The following CUL3 variants were observed in gnomAD, a reference collection of about 807,000 sequenced individuals.
CUL3 encodes the protein cullin-3.
CUL3 carries 19 observed loss-of-function variants against 89.1 expected under a neutral mutation model. The ratio of observed to expected loss-of-function variants is 0.21; its 90% CI spans 0.15 to 0.31. The LOEUF (loss-of-function observed/expected upper bound fraction) is 0.31. Among genes scored for constraint, CUL3 ranks in the 10% least tolerant of loss-of-function variants. The pLI is 1.00. For missense variants in CUL3, 469 were observed against 942.3 expected (o/e 0.50, Z 6.58); for synonymous variants, 351 against 308.4 (o/e 1.14, Z -1.45).
At chr2:224,533,715 C>T (rs1200452248) in intron 3 of CUL3, among the ~76,000 whole-genome samples, 1 of 152,164 alleles carries the variant, frequency 6.6e-6, no homozygotes, top group African/African-American at 2.4e-5. Context: ...TATATGTTGT[C>T]ACATACCATC....
intron 2 of CUL3, among the ~76,000 whole-genome samples, chr2:224,535,871 C>T (rs965031486): frequency 6.6e-6 from 1 of 152,136 alleles, no homozygotes; most frequent in Non-Finnish European, 1.5e-5. Flanking sequence ...AATCAACTTC[C>T]TAGGTATTTC....
chr2:224,529,748 G>T (rs1258870506), intron 3 of CUL3, among the ~76,000 whole-genome samples: 1 of 152,138 alleles, frequency 6.6e-6, no homozygotes, highest in East Asian at 1.9e-4. Context: ...AGAAACTAGA[G>T]GCCACATGTT....
At chr2:224,475,386 G>C (rs1691279944) in intron 15 of CUL3, among the ~76,000 whole-genome samples, 1 of 152,172 alleles carries the variant, frequency 6.6e-6, no homozygotes, top group Non-Finnish European at 1.5e-5. Context: ...AGCCGGAGAA[G>C]AAAACTGACA....
chr2:224,567,100 TAC>T (rs1349887507), intron 1 of CUL3, among the ~76,000 whole-genome samples: 9 of 152,208 alleles, frequency 5.9e-5, no homozygotes, highest in Admixed American at 5.9e-4. Flanking sequence ...ATTCCAGGTT[TAC>T]AGTTTTCCAC....
At chr2:224,562,059 T>C (rs1018446156) in intron 1 of CUL3, among the ~76,000 whole-genome samples, 1 of 152,220 alleles carries the variant, frequency 6.6e-6, no homozygotes, top group Non-Finnish European at 1.5e-5. Flanking sequence ...AGAAAAAGTA[T>C]TAAAATGTCT....
At chr2:224,550,043 T>C (rs1694454297) in intron 2 of CUL3, among the ~76,000 whole-genome samples, 1 of 152,210 alleles carries the variant, frequency 6.6e-6, no homozygotes. Context: ...ACGAAGTGTT[T>C]AAATTCCTCA....
chr2:224,509,905 G>A (rs949419220), intron 6 of CUL3, among the ~76,000 whole-genome samples: 8 of 152,186 alleles, frequency 5.3e-5, no homozygotes, highest in African/African-American at 1.9e-4. Flanking sequence ...TAGAACCCGT[G>A]GGGCAAATAC....
chr2:224,576,818 A>G (rs1257585551), intron 1 of CUL3, among the ~76,000 whole-genome samples: 2 of 152,210 alleles, frequency 1.3e-5, no homozygotes, highest in African/African-American at 4.8e-5. Flanking sequence ...TTATTCCTTC[A>G]ATAAAGTTAC....
At chr2:224,567,359 C>T (rs895944322) in intron 1 of CUL3, among the ~76,000 whole-genome samples, 6 of 152,042 alleles carry the variant, frequency 3.9e-5, no homozygotes, top group Admixed American at 6.6e-5. Context: ...CTGGGACTAC[C>T]GTTGTGTGCC....
At chr2:224,575,793 A>T (rs970567605) in intron 1 of CUL3, among the ~76,000 whole-genome samples, 4 of 152,206 alleles carry the variant, frequency 2.6e-5, no homozygotes, top group African/African-American at 7.2e-5. Context: ...AAAATGCAAA[A>T]TGGAAGTTTG....
Position 224,499,402 on chromosome 2 carries a change from C to T in CUL3, c.1610+961G>A, listed in dbSNP as rs1429244273. The T allele has an allele frequency of 2.1e-5, 5 of 239,982 alleles. No homozygotes were observed. The East Asian group carries it at 5.0e-4, about 24-fold the overall frequency. 14.9% of individuals were successfully genotyped at this position (239,982 alleles called of 1,614,324 possible). ...TTAAGACTAAGGTGAAGAATTTGTA[C>T]AGTGCCTTCCACAATTTCAAAGAGG... On this transcript the variant is annotated intron_variant, in intron 11 of 15. Coordinates refer to ENST00000264414, the MANE Select transcript of CUL3 (RefSeq NM_003590.5).
chr2:224,557,667 T>C lies in CUL3; in HGVS notation c.256A>G (p.Ile86Val), dbSNP rs1365665456. 2 of 1,598,562 alleles carry C rather than the reference T, an allele frequency of 1.3e-6. No individual in the cohort carries two copies. The highest frequency in any genetic ancestry group is 4.5e-5 in the East Asian group (2 of 44,660). Reference protein sequence around the residue: ...GLREVVTEHLINKVREDVLNS... With the variant: ...GLREVVTEHLVNKVREDVLNS... ...CCTTTAAAGTTTGATACCTTATTTATGAGATGTTCGGTAACAACTTCTCTT... is the reference window on the plus strand; with the variant it reads ...CCTTTAAAGTTTGATACCTTATTTACGAGATGTTCGGTAACAACTTCTCTT... The change falls in exon 2 of 16, where the codon ATA becomes GTA. Residue 86 changes from isoleucine to valine, a missense_variant. This residue lies in a region of CUL3 where 370 missense variants were observed against 733.2 expected (regional missense o/e 0.50). Coordinates refer to ENST00000264414, the MANE Select transcript of CUL3 (RefSeq NM_003590.5).
intron 2 of CUL3, among the ~76,000 whole-genome samples, chr2:224,551,496 C>T (rs1402963248): frequency 1.3e-5 from 2 of 151,694 alleles, no homozygotes; most frequent in Admixed American, 6.6e-5. Context: ...TGAGCCACCA[C>T]GCCTGGTCAA....
intron 13 of CUL3, among the ~76,000 whole-genome samples, chr2:224,487,698 G>A (rs772047862): frequency 6.6e-6 from 1 of 152,144 alleles, no homozygotes; most frequent in Non-Finnish European, 1.5e-5. Context: ...ACAGATCAAT[G>A]AGACAGAAAA....
intron 1 of CUL3, among the ~76,000 whole-genome samples, chr2:224,570,999 T>C (rs977052989): frequency 2.0e-5 from 3 of 152,208 alleles, no homozygotes; most frequent in Admixed American, 6.5e-5. Flanking sequence ...TGAATGACTT[T>C]TGCATATATA....
chr2:224,506,712 A>C, intron 7 of CUL3, 146 bp downstream of exon 7: 1 of 715,296 alleles, frequency 1.4e-6, no homozygotes. Context: ...AAAATCCTAA[A>C]ATATGTAGGA....
intron 2 of CUL3, among the ~76,000 whole-genome samples, chr2:224,547,354 A>T (rs989070370): frequency 6.6e-6 from 1 of 152,124 alleles, no homozygotes; most frequent in Non-Finnish European, 1.5e-5. Context: ...ATACTGATCT[A>T]TCTCACTACG....
At chr2:224,481,555 A>C (rs549441823) in intron 14 of CUL3, among the ~76,000 whole-genome samples, 1 of 152,236 alleles carries the variant, frequency 6.6e-6, no homozygotes, top group South Asian at 2.1e-4. Flanking sequence ...AAAACTTCTA[A>C]ATCAGCTTTA....
chr2:224,549,973 CT>C, intron 2 of CUL3, among the ~76,000 whole-genome samples: 1 of 152,238 alleles, frequency 6.6e-6, no homozygotes, highest in Non-Finnish European at 1.5e-5. Context: ...AGAGCTAAGT[CT>C]TAAGTACCAC....
Sources: allele counts gnomAD v4.1 joint callset (sites outside exome capture counted in the v4.1 genomes callset), GRCh38; gene constraint gnomAD v4.1.1; regional missense constraint gnomAD v4.1.1; transcripts MANE v1.5; gene names NCBI Gene and HGNC (gene_info 2026-07-23, HGNC 2026-07-21).